ZEB1: variants seen among roughly 807,000 people sequenced by gnomAD.
ZEB1 encodes zinc finger E-box binding homeobox 1.
Under a neutral mutation model 84.9 loss-of-function variants are expected in ZEB1, and 21 were observed. The ratio of observed to expected loss-of-function variants is 0.25; its 90% CI spans 0.18 to 0.36. The LOEUF (loss-of-function observed/expected upper bound fraction) is 0.36. Among genes scored for constraint, ZEB1 ranks in the 10% least tolerant of loss-of-function variants. The pLI, the probability that ZEB1 is intolerant of heterozygous loss-of-function variation, is 1.00. For synonymous variants in ZEB1, 420 were observed against 471.1 expected, an observed-to-expected ratio of 0.89 and a Z score of 1.41; for missense variants, 1,104 against 1,330.2, an observed-to-expected ratio of 0.83 and a Z score of 2.65.
intron 1 of ZEB1, among the ~76,000 whole-genome samples, chr10:31,452,475 A>G (rs1024582470): frequency 2.6e-5 from 4 of 152,048 alleles, no homozygotes; most frequent in African/African-American, 4.8e-5. Flanking sequence ...CTCTGATCCT[A>G]TGAATTACCA....
chr10:31,336,227 A>T (rs2038020140), intron 1 of ZEB1, among the ~76,000 whole-genome samples: 1 of 152,186 alleles, frequency 6.6e-6, no homozygotes, highest in Admixed American at 6.5e-5. Context: ...ACATGGAAGA[A>T]CTAAGAGATA....
At chr10:31,347,223 A>C (rs759770521) in intron 1 of ZEB1, among the ~76,000 whole-genome samples, 3 of 152,204 alleles carry the variant, frequency 2.0e-5, no homozygotes, top group African/African-American at 7.2e-5. Context: ...TCTTACATAA[A>C]GTAGATCATT....
At chr10:31,412,058 G>A (rs2135811345) in intron 1 of ZEB1, among the ~76,000 whole-genome samples, 1 of 152,210 alleles carries the variant, frequency 6.6e-6, no homozygotes, top group East Asian at 1.9e-4. Context: ...TTGTAAAAAG[G>A]ATGCAGAGAA....
intron 2 of ZEB1, among the ~76,000 whole-genome samples, chr10:31,488,345 A>T (rs909517409): frequency 6.6e-6 from 1 of 151,146 alleles, no homozygotes; most frequent in African/African-American, 2.4e-5. Context: ...GTTTATGTTT[A>T]CACAATTGTT....
chr10:31,517,487 C>A (rs1403242621), intron 6 of ZEB1, among the ~76,000 whole-genome samples: 2 of 144,070 alleles, frequency 1.4e-5, no homozygotes, highest in African/African-American at 2.9e-5. Context: ...AGCCAAACAC[C>A]CACCTTAGCC....
At chr10:31,517,970 G>A (rs2071477148) in intron 6 of ZEB1, among the ~76,000 whole-genome samples, 1 of 152,114 alleles carries the variant, frequency 6.6e-6, no homozygotes, top group Non-Finnish European at 1.5e-5. Context: ...CTAGGGCTGT[G>A]ATGTAGTCAT....
intron 2 of ZEB1, among the ~76,000 whole-genome samples, chr10:31,489,021 C>T (rs2066126604): frequency 6.6e-6 from 1 of 151,090 alleles, no homozygotes; most frequent in South Asian, 2.1e-4. Context: ...TATATCCTTG[C>T]TAATTTTTTG....
intron 2 of ZEB1, among the ~76,000 whole-genome samples, chr10:31,476,607 C>G (rs1191578383): frequency 2.0e-5 from 3 of 151,886 alleles, no homozygotes; most frequent in Non-Finnish European, 4.4e-5. Flanking sequence ...CTCCCTAACT[C>G]TTTCTGTGAT....
At chr10:31,397,378 A>G (rs2051005438) in intron 1 of ZEB1, among the ~76,000 whole-genome samples, 1 of 151,936 alleles carries the variant, frequency 6.6e-6, no homozygotes, top group Non-Finnish European at 1.5e-5. Flanking sequence ...ATAACCAGAG[A>G]TAGTGGCTAT....
chr10:31,368,561 T>G (rs994286644), intron 1 of ZEB1, among the ~76,000 whole-genome samples: 1 of 152,168 alleles, frequency 6.6e-6, no homozygotes, highest in Admixed American at 6.5e-5. Flanking sequence ...GTATTATTTT[T>G]TATTGTTTTG....
At chr10:31,322,751 C>CT (rs34285204) in intron 1 of ZEB1, among the ~76,000 whole-genome samples, 4,076 of 145,536 alleles carry the variant, frequency 0.028, 160 homozygotes, top group African/African-American at 0.087. Context: ...CTTGTTCTAC[C>CT]TTTTTTTTTT....
chr10:31,386,307 T>G (rs2048626826), intron 1 of ZEB1, among the ~76,000 whole-genome samples: 1 of 151,804 alleles, frequency 6.6e-6, no homozygotes, highest in Non-Finnish European at 1.5e-5. Flanking sequence ...GTCATTAATA[T>G]TTTAGGATAT....
intron 6 of ZEB1, among the ~76,000 whole-genome samples, chr10:31,516,018 A>G (rs992421952): frequency 6.6e-6 from 1 of 152,112 alleles, no homozygotes; most frequent in Non-Finnish European, 1.5e-5. Flanking sequence ...TCATTTTGTC[A>G]TATTGCAGTC....
In ZEB1 at chr10:31,393,514, A is replaced by G. The variant is rs1315698338; in HGVS notation, c.59-67523A>G. Among the ~76,000 whole-genome samples, 5 of 151,002 alleles carry G rather than the reference A, an allele frequency of 3.3e-5. No individual in the cohort carries two copies. In the East Asian group the frequency reaches 9.7e-4, roughly 29 times the overall value. On this transcript the variant is annotated intron_variant, in intron 1 of 8. Transcript: ENST00000424869. Reference sequence around the variant, plus strand: ...GGAATATTTGCAAATATTTGTAAATAGTTTTTTTCAAAAAAGTTGAGGTAG... The same window carrying G: ...GGAATATTTGCAAATATTTGTAAATGGTTTTTTTCAAAAAAGTTGAGGTAG...
intron 1 of ZEB1, chr10:31,363,164 C>T (rs1207644569): frequency 3.3e-6 from 5 of 1,533,936 alleles, no homozygotes; most frequent in Non-Finnish European, 4.4e-6. Flanking sequence ...ATGTCCTCCC[C>T]CACCATCAGC....
At chr10:31,507,366 T>C (rs750129204) in intron 4 of ZEB1, among the ~76,000 whole-genome samples, 6 of 152,192 alleles carry the variant, frequency 3.9e-5, no homozygotes, top group Non-Finnish European at 1.5e-5. Flanking sequence ...TGTATCTGGA[T>C]GTCTAAATCC....
rs76749480 is a variant in ZEB1, at chr10:31,392,042, A to G, written c.59-68995A>G. 8.6e-4 allele frequency among the ~76,000 whole-genome samples: 131 copies of G among 152,330 alleles called. 1 individual carries two copies. The East Asian group carries it at 0.024, about 28-fold the overall frequency. The stretch of plus-strand genomic sequence containing the variant: ...ATTAAAGTTTATTTCTTTAAAATTC[A>G]TACTGATTTTTAAAAGAAAAATACA... On this transcript the variant is annotated intron_variant, in intron 1 of 8. Coordinates refer to ENST00000424869, the MANE Select transcript of ZEB1 (RefSeq NM_001174096.2).
At chr10:31,468,702 A>C (rs756485110) in intron 2 of ZEB1, among the ~76,000 whole-genome samples, 1 of 152,216 alleles carries the variant, frequency 6.6e-6, no homozygotes, top group Non-Finnish European at 1.5e-5. Flanking sequence ...GCCCCCTAAA[A>C]GCACGTAGAA....
chr10:31,337,169 C>T (rs2038274564), intron 1 of ZEB1, among the ~76,000 whole-genome samples: 1 of 151,922 alleles, frequency 6.6e-6, no homozygotes. Flanking sequence ...AAATAATGTT[C>T]GAACAAAACA....
Sources: gnomAD v4.1 joint callset for allele counts (sites outside exome capture counted in the v4.1 genomes callset) on GRCh38, gnomAD v4.1.1 for gene constraint, MANE v1.5 for transcripts, NCBI Gene and HGNC (gene_info 2026-07-23, HGNC 2026-07-21) for gene names.